FAR2: variants seen among roughly 807,000 people sequenced by gnomAD.
FAR2 encodes fatty acyl-CoA reductase 2, also known as epididymis secretory protein Li 81.
FAR2 carries 19 observed loss-of-function variants against 56.0 expected under a neutral mutation model. The ratio of observed to expected loss-of-function variants is 0.34; its 90% CI spans 0.24 to 0.50. FAR2 has a LOEUF of 0.50. Ranked by LOEUF, FAR2 falls within the 20% of genes least tolerant of loss-of-function variation. The probability of loss-of-function intolerance (pLI) is 0.98; values close to 1 mark genes in which losing one functional copy is unlikely to be tolerated. For missense variants in FAR2, 508 were observed against 642.2 expected, an observed-to-expected ratio of 0.79 and a Z score of 2.26; for synonymous variants, 219 against 218.8, an observed-to-expected ratio of 1.00 and a Z score of -0.01.
chr12:29,168,795 AG>A (rs2136584671), intron 1 of FAR2, among the ~76,000 whole-genome samples: 1 of 152,356 alleles, frequency 6.6e-6, no homozygotes, highest in Non-Finnish European at 1.5e-5. Flanking sequence ...GAAGAGCAAA[AG>A]AACAAAACTT....
chr12:29,186,448 A>T (rs1343522425), intron 1 of FAR2, among the ~76,000 whole-genome samples: 2 of 151,176 alleles, frequency 1.3e-5, no homozygotes, highest in Non-Finnish European at 3.0e-5. Context: ...ATCCATGTTC[A>T]TCATTATTTT....
chr12:29,296,902 G>A, intron 3 of FAR2, 119 bp from the exon 4 acceptor site: 1 of 797,924 alleles, frequency 1.3e-6, no homozygotes, highest in Non-Finnish European at 2.0e-6. Context: ...TCTCTTCCTG[G>A]TGTTTTGGTG....
At chr12:29,278,617 G>A (rs1948737281) in intron 2 of FAR2, among the ~76,000 whole-genome samples, 1 of 152,002 alleles carries the variant, frequency 6.6e-6, no homozygotes, top group South Asian at 2.1e-4. Context: ...CAAAGTGCTG[G>A]GACTACAGGC....
intron 2 of FAR2, among the ~76,000 whole-genome samples, chr12:29,286,754 T>A (rs1272332560): frequency 6.6e-6 from 1 of 152,168 alleles, no homozygotes; most frequent in East Asian, 1.9e-4. Flanking sequence ...TCTTTAAGAA[T>A]AGCATAATAT....
intron 1 of FAR2, among the ~76,000 whole-genome samples, chr12:29,189,201 C>G (rs185621060): frequency 4.2e-4 from 64 of 152,234 alleles, no homozygotes; most frequent in African/African-American, 1.5e-3. Flanking sequence ...AAGATTTGCC[C>G]ATTATTCCTC....
chr12:29,303,820 G>A (rs188302549), intron 4 of FAR2, among the ~76,000 whole-genome samples: 2 of 152,326 alleles, frequency 1.3e-5, no homozygotes, highest in Admixed American at 1.3e-4. Flanking sequence ...TGAGAATTCT[G>A]TGTACTTTGA....
intron 2 of FAR2, among the ~76,000 whole-genome samples, chr12:29,274,971 C>T (rs1335560297): frequency 6.2e-5 from 2 of 32,262 alleles, no homozygotes; most frequent in African/African-American, 2.7e-4. Context: ...GGTGCCGTGA[C>T]TCGGATCGGG....
chr12:29,203,837 A>G (rs1284601414), intron 1 of FAR2, among the ~76,000 whole-genome samples: 1 of 151,736 alleles, frequency 6.6e-6, no homozygotes, highest in Non-Finnish European at 1.5e-5. Flanking sequence ...GTCTCTACTA[A>G]AAATACAAAA....
intron 4 of FAR2, among the ~76,000 whole-genome samples, chr12:29,299,919 G>A (rs1274396448): frequency 6.6e-6 from 1 of 152,216 alleles, no homozygotes; most frequent in Non-Finnish European, 1.5e-5. Context: ...TGCTCCCATA[G>A]TACCCAGTGT....
At chr12:29,333,034 T>C in intron 11 of FAR2, 1 of 408,652 alleles carries the variant, frequency 2.4e-6, no homozygotes, top group South Asian at 2.0e-5. Flanking sequence ...ATTTGTTTCT[T>C]CTACCACACT....
At chr12:29,304,511 C>G (rs981191704) in intron 4 of FAR2, among the ~76,000 whole-genome samples, 19 of 152,190 alleles carry the variant, frequency 1.2e-4, no homozygotes, top group Non-Finnish European at 2.4e-4. Flanking sequence ...AGTGTGTCCA[C>G]TACTTACTCT....
intron 1 of FAR2, among the ~76,000 whole-genome samples, chr12:29,190,322 G>GAA (rs34089199): frequency 6.5e-4 from 95 of 146,556 alleles, no homozygotes; most frequent in Middle Eastern, 3.5e-3. Flanking sequence ...AGTGATGACA[G>GAA]AAAAAAAAAA....
chr12:29,265,761 T>A (rs1393272159), intron 1 of FAR2, among the ~76,000 whole-genome samples: 1 of 152,030 alleles, frequency 6.6e-6, no homozygotes, highest in Admixed American at 6.6e-5. Context: ...TTGTAAACTA[T>A]CCATCTGACA....
At chr12:29,194,011 A>C (rs1201333917) in intron 1 of FAR2, among the ~76,000 whole-genome samples, 1 of 152,156 alleles carries the variant, frequency 6.6e-6, no homozygotes, top group Non-Finnish European at 1.5e-5. Context: ...TGTACTAGAG[A>C]CATGTTATTC....
At chr12:29,271,335 CT>C (rs1383443033) in intron 2 of FAR2, among the ~76,000 whole-genome samples, 1 of 152,124 alleles carries the variant, frequency 6.6e-6, no homozygotes, top group Non-Finnish European at 1.5e-5. Context: ...CAAATTCTGG[CT>C]TATGAATTTG....
chr12:29,222,884 A>G (rs11834972), intron 1 of FAR2, among the ~76,000 whole-genome samples: 4,013 of 152,338 alleles, frequency 0.026, 148 homozygotes, highest in African/African-American at 0.084. Flanking sequence ...TAATGACATT[A>G]TAGGTAACTG....
chr12:29,165,899 ATGT>A (rs1459274562), intron 1 of FAR2, among the ~76,000 whole-genome samples: 1 of 152,212 alleles, frequency 6.6e-6, no homozygotes, highest in Non-Finnish European at 1.5e-5. Context: ...AATGTCCTAG[ATGT>A]TGTTGTATAG....
intron 1 of FAR2, among the ~76,000 whole-genome samples, chr12:29,237,083 T>A (rs1947954504): frequency 6.6e-6 from 1 of 152,146 alleles, no homozygotes; most frequent in Non-Finnish European, 1.5e-5. Flanking sequence ...TTGAAAATAT[T>A]TTTTTCAGCT....
At chr12:29,206,801 T>A (rs1007148890) in intron 1 of FAR2, among the ~76,000 whole-genome samples, 2 of 152,164 alleles carry the variant, frequency 1.3e-5, no homozygotes, top group African/African-American at 4.8e-5. Flanking sequence ...ACACCTGGCA[T>A]CCCAGAGTAG....
Sources: gnomAD v4.1 joint callset for allele counts (sites outside exome capture counted in the v4.1 genomes callset) on GRCh38, gnomAD v4.1.1 for gene constraint, MANE v1.5 for transcripts, NCBI Gene and HGNC (gene_info 2026-07-23, HGNC 2026-07-21) for gene names.